SDK2: variants seen among roughly 807,000 people sequenced by gnomAD.
SDK2 encodes the protein sidekick cell adhesion molecule 2.
In SDK2, 105 loss-of-function variants were observed where a neutral mutation model predicts 253.9. That is an observed-to-expected ratio of 0.41 (90% CI 0.35 to 0.49). SDK2 has a LOEUF of 0.49. SDK2 is among the 20% of genes least tolerant of loss of function. The probability of loss-of-function intolerance (pLI) is 0.06; values close to 1 mark genes in which losing one functional copy is unlikely to be tolerated. For synonymous variants in SDK2, 1,249 were observed against 1,234.9 expected (o/e 1.01, Z -0.24); for missense variants, 2,608 against 3,003.0 (o/e 0.87, Z 3.07).
chr17:73,504,959 T>G (rs1028597345), intron 2 of SDK2, among the ~76,000 whole-genome samples: 1 of 152,172 alleles, frequency 6.6e-6, no homozygotes, highest in Non-Finnish European at 1.5e-5. Flanking sequence ...AAATCCTGAT[T>G]GGACCTGCAT....
rs1488470670 is a variant in SDK2 at position 73,455,545 on chromosome 17, G to T, written c.479+361C>A. Among the ~76,000 whole-genome samples the T allele has an allele frequency of 1.3e-5, 2 of 152,192 alleles. No homozygotes were observed. Among genetic ancestry groups the T allele is most frequent in the African/African-American group, 4.8e-5 (2 of 41,434 alleles). On this transcript the variant is annotated intron_variant, in intron 4 of 44. Coordinates refer to ENST00000392650, the MANE Select transcript of SDK2 (RefSeq NM_001144952.2). This position sits in a 1 kb window ranked among gnomAD's most constrained non-coding sequence, Gnocchi z 5.0. ...CCCAGGAGACGCCAGCCTCTCCAAG[G>T]TCCCCCAGCGCCACTGGCCTGAGTC... is the stretch of plus-strand genomic sequence containing the variant.
At position 73,343,508 on chromosome 17, in the gene SDK2, C is replaced by T. The variant is rs572520730; in HGVS notation, c.6166-4568G>A. Among the ~76,000 whole-genome samples, 70 of 152,302 alleles carry T rather than the reference C, an allele frequency of 4.6e-4. No homozygotes were observed. The Middle Eastern group carries it at 0.01, about 22-fold the overall frequency. On this transcript the variant is annotated intron_variant, in intron 44 of 44. Coordinates refer to ENST00000392650, the MANE Select transcript of SDK2 (RefSeq NM_001144952.2). The stretch of plus-strand genomic sequence containing the variant: ...GGCCTCGGTAATTGAATGCAGCTTC[C>T]CAGGGACCGGCCCAGCACAAAGGGG...
At chr17:73,492,114 C>T (rs2063810064) in intron 2 of SDK2, among the ~76,000 whole-genome samples, 1 of 152,118 alleles carries the variant, frequency 6.6e-6, no homozygotes. Context: ...GGAGGAGAAA[C>T]CACGTGGAGA....
At position 73,438,046 on chromosome 17, in the gene SDK2, G is replaced by T. The variant is rs1224596762; in HGVS notation, c.834C>A (p.Asp278Glu). 6.4e-7 allele frequency: 1 copy of T among 1,551,692 alleles called. No individual in the cohort carries two copies. The highest frequency in any genetic ancestry group is 8.7e-7 in the Non-Finnish European group (1 of 1,147,024). ...CAGCCTCACACTCGTAGTAGCCGGCGTCACTGCCGGTGGGGTTGGGGATGG... is the reference window on the plus strand; with the variant it reads ...CAGCCTCACACTCGTAGTAGCCGGCTTCACTGCCGGTGGGGTTGGGGATGG... ...RLTIPNPTGS[D>E]AGYYECEAVL... Residue 278 changes from aspartate (D) to glutamate (E), a missense_variant, in exon 7 of 45, where the codon GAC becomes GAA. By Grantham distance (45) the Asp-to-Glu change is conservative. Transcript: ENST00000392650.
intron 18 of SDK2, among the ~76,000 whole-genome samples, chr17:73,409,866 T>G (rs1414501964): frequency 6.6e-6 from 1 of 152,252 alleles, no homozygotes; most frequent in East Asian, 1.9e-4. Flanking sequence ...TCTCTCTTTC[T>G]TTTTTTGACA....
chr17:73,375,511 C>T (rs77362929), intron 36 of SDK2, among the ~76,000 whole-genome samples: 21,711 of 151,932 alleles, frequency 0.14, 3,002 homozygotes, highest in African/African-American at 0.34. Flanking sequence ...CCTTTCAAAG[C>T]GCCAGGATTA....
intron 10 of SDK2, 26 bp downstream of exon 10, chr17:73,433,706 A>G: frequency 6.6e-7 from 1 of 1,523,286 alleles, no homozygotes; most frequent in Non-Finnish European, 9.0e-7. Context: ...ACCCAGCCAC[A>G]CTCTCTGAAG....
chr17:73,509,902 C>CAAAAAAAAAAAAAA lies in SDK2; in HGVS notation c.65-2319_65-2306dup, dbSNP rs71157018. Among the ~76,000 whole-genome samples the CAAAAAAAAAAAAAA allele has an allele frequency of 5.8e-3, 147 of 25,362 alleles. 17 individuals are homozygous for CAAAAAAAAAAAAAA. Among genetic ancestry groups the CAAAAAAAAAAAAAA allele is most frequent in the African/African-American group, 0.025 (130 of 5,254 alleles). 16.6% of individuals were successfully genotyped at this position (25,362 alleles called of 152,430 possible). On this transcript the variant is annotated intron_variant, in intron 1 of 44. Transcript: ENST00000392650. ...GCAACAGAGCAAGACTCCATCTCTA[C>CAAAAAAAAAAAAAA]AAAAAAAAAAAAAAAAAAAAGAAGG...
intron 1 of SDK2, among the ~76,000 whole-genome samples, chr17:73,595,543 T>A (rs974132129): frequency 6.6e-6 from 1 of 152,098 alleles, no homozygotes; most frequent in Non-Finnish European, 1.5e-5. Context: ...TGTCTCCTCC[T>A]CGCTTGGACT....
intron 41 of SDK2, among the ~76,000 whole-genome samples, chr17:73,351,198 T>C (rs572829904): frequency 1.3e-5 from 2 of 151,770 alleles, no homozygotes; most frequent in South Asian, 4.2e-4. Flanking sequence ...CAACCTCCAC[T>C]TCCCGGGTTC....
chr17:73,419,847 G>T (rs1160827053), intron 15 of SDK2, among the ~76,000 whole-genome samples: 1 of 149,172 alleles, frequency 6.7e-6, no homozygotes, highest in African/African-American at 2.5e-5. Flanking sequence ...TTGCATCACG[G>T]AACTACAGCC....
chr17:73,449,212 C>A (rs188249803), intron 4 of SDK2, among the ~76,000 whole-genome samples: 1 of 152,172 alleles, frequency 6.6e-6, no homozygotes, highest in Non-Finnish European at 1.5e-5. Flanking sequence ...CCACCCACAC[C>A]GGCTCTTCCT....
chr17:73,576,922 A>G (rs903313237), intron 1 of SDK2, among the ~76,000 whole-genome samples: 2 of 152,208 alleles, frequency 1.3e-5, no homozygotes, highest in Non-Finnish European at 1.5e-5. Context: ...CAAGGCCCCC[A>G]GGATGCCATG....
At chr17:73,434,099 C>G (rs930283222) in intron 9 of SDK2, among the ~76,000 whole-genome samples, 2 of 152,360 alleles carry the variant, frequency 1.3e-5, no homozygotes, top group South Asian at 4.1e-4. Context: ...AGTCCCCACA[C>G]TGCTTGGATT....
chr17:73,536,428 C>G (rs556849302), intron 1 of SDK2, among the ~76,000 whole-genome samples: 6 of 152,336 alleles, frequency 3.9e-5, no homozygotes, highest in African/African-American at 7.2e-5. Flanking sequence ...AGCCTCCTTC[C>G]GAGGCTTCCG....
chr17:73,456,141 G>C lies in SDK2; in HGVS notation c.332-88C>G, dbSNP rs1196745933. The C allele has an allele frequency of 2.9e-6, 4 of 1,385,082 alleles. No individual in the cohort carries two copies. The East Asian group carries it at 8.3e-5, about 29-fold the overall frequency. The allele number at this position is 1,385,082 out of a possible 1,614,324, so 85.8% of individuals were successfully genotyped here. A position where few individuals can be genotyped will look rare whatever the true frequency, so the allele number is the denominator to read the frequency against. Reference sequence around the variant, plus strand: ...TCCCAGGTTGGGAGTGGTGGCTATGGACGGAAAATTCGGGGCAGACAGGAT... The same window carrying C: ...TCCCAGGTTGGGAGTGGTGGCTATGCACGGAAAATTCGGGGCAGACAGGAT... On this transcript the variant is annotated intron_variant, in intron 3 of 44. Transcript: ENST00000392650.
At chr17:73,342,781 C>T (rs934502363) in intron 44 of SDK2, among the ~76,000 whole-genome samples, 1 of 152,166 alleles carries the variant, frequency 6.6e-6, no homozygotes, top group Non-Finnish European at 1.5e-5. Context: ...ATCACTCAGG[C>T]TCTCTCAGCC....
At chr17:73,519,420 T>C (rs893073867) in intron 1 of SDK2, 1 of 152,306 alleles carries the variant, frequency 6.6e-6, no homozygotes, top group African/African-American at 2.4e-5. Context: ...CCTTAGGGGC[T>C]TGACCTCACC....
chr17:73,532,832 G>A (rs910306404), intron 1 of SDK2, among the ~76,000 whole-genome samples: 30 of 152,202 alleles, frequency 2.0e-4, no homozygotes, highest in African/African-American at 7.2e-4. Context: ...ACGAGGCCTG[G>A]GCCTGAAAGG....
Sources: allele counts gnomAD v4.1 joint callset (sites outside exome capture counted in the v4.1 genomes callset), GRCh38; gene constraint gnomAD v4.1.1; non-coding constraint Gnocchi (gnomAD v3.1); transcripts MANE v1.5; gene names NCBI Gene and HGNC (gene_info 2026-07-23, HGNC 2026-07-21).